The following CTNNA2 variants were observed in gnomAD, a reference collection of about 807,000 sequenced individuals.
CTNNA2 encodes catenin alpha-2.
A neutral mutation model predicts 101.0 loss-of-function variants in CTNNA2; 42 were observed. The ratio of observed to expected loss-of-function variants is 0.42; its 90% CI spans 0.32 to 0.54. The LOEUF (loss-of-function observed/expected upper bound fraction) is 0.54. Ranked by LOEUF, CTNNA2 falls within the 20% of genes least tolerant of loss-of-function variation. CTNNA2 has a pLI of 0.14. For synonymous variants in CTNNA2, 450 were observed against 456.4 expected (o/e 0.99, Z 0.18); for missense variants, 871 against 1,223.1 (o/e 0.71, Z 4.29).
intron 2 of CTNNA2, among the ~76,000 whole-genome samples, chr2:79,686,732 AC>A (rs1300898126): frequency 6.6e-6 from 1 of 152,110 alleles, no homozygotes; most frequent in Non-Finnish European, 1.5e-5. Flanking sequence ...ACAGGAAGAT[AC>A]CCTGTATTAT....
At chr2:79,610,396 G>A (rs1678190015) in intron 1 of CTNNA2, among the ~76,000 whole-genome samples, 1 of 152,090 alleles carries the variant, frequency 6.6e-6, no homozygotes, top group South Asian at 2.1e-4. Context: ...TCTACCATAT[G>A]TCTGTACAAA....
At chr2:79,488,073 T>C (rs751961953) in intron 4 of CTNNA2, among the ~76,000 whole-genome samples, 17 of 151,978 alleles carry the variant, frequency 1.1e-4, no homozygotes, top group Admixed American at 9.2e-4. Flanking sequence ...CCCAGCACTT[T>C]GGGAGGCCCA....
chr2:80,147,886 A>G (rs1020507422), intron 7 of CTNNA2, among the ~76,000 whole-genome samples: 12 of 152,144 alleles, frequency 7.9e-5, no homozygotes, highest in African/African-American at 2.6e-4. Context: ...GAGTGGTTTT[A>G]AAAGCTTTTA....
intron 7 of CTNNA2, among the ~76,000 whole-genome samples, chr2:80,111,877 T>G (rs1174123784): frequency 6.6e-6 from 1 of 152,184 alleles, no homozygotes; most frequent in Non-Finnish European, 1.5e-5. Context: ...TAGTGGCAAA[T>G]GCTTATCACT....
chr2:80,528,700 TAAAAA>T (rs919745465), intron 9 of CTNNA2, among the ~76,000 whole-genome samples: 62 of 152,054 alleles, frequency 4.1e-4, no homozygotes, highest in African/African-American at 1.4e-3. Flanking sequence ...AATAAATAAA[TAAAAA>T]TAAAAATAAA....
intron 4 of CTNNA2, among the ~76,000 whole-genome samples, chr2:79,860,817 T>A (rs2103967874): frequency 6.6e-6 from 1 of 152,206 alleles, no homozygotes; most frequent in African/African-American, 2.4e-5. Context: ...AGACAATACG[T>A]CAATAATTCA....
At chr2:80,569,808 A>G (rs1429943579) in intron 12 of CTNNA2, among the ~76,000 whole-genome samples, 2 of 150,520 alleles carry the variant, frequency 1.3e-5, no homozygotes, top group African/African-American at 2.4e-5. Flanking sequence ...ACACCCAGCT[A>G]ATTTTTTGTA....
chr2:79,349,436 C>T (rs185944580), intron 3 of CTNNA2, among the ~76,000 whole-genome samples: 107 of 152,122 alleles, frequency 7.0e-4, no homozygotes, highest in African/African-American at 2.5e-3. Flanking sequence ...AATAAATTGC[C>T]CCAAGTGATT....
At chr2:79,822,371 A>G (rs1233898277) in intron 3 of CTNNA2, among the ~76,000 whole-genome samples, 1 of 152,164 alleles carries the variant, frequency 6.6e-6, no homozygotes, top group Non-Finnish European at 1.5e-5. Flanking sequence ...ATTTTTATTC[A>G]CTTAAATATG....
At chr2:79,524,254 A>G (rs1357263991) in intron 1 of CTNNA2, among the ~76,000 whole-genome samples, 1 of 152,000 alleles carries the variant, frequency 6.6e-6, no homozygotes, top group Non-Finnish European at 1.5e-5. Flanking sequence ...CTTCAGTAAC[A>G]TAAATAGCCT....
intron 9 of CTNNA2, among the ~76,000 whole-genome samples, chr2:80,517,612 C>G (rs1689203251): frequency 6.6e-6 from 1 of 152,096 alleles, no homozygotes; most frequent in African/African-American, 2.4e-5. Context: ...AAGGAACATT[C>G]CTAGGGGATG....
At chr2:79,308,736 C>T (rs1175695599) in intron 2 of CTNNA2, among the ~76,000 whole-genome samples, 1 of 149,626 alleles carries the variant, frequency 6.7e-6, no homozygotes, top group African/African-American at 2.5e-5. Context: ...AACCAGTTAC[C>T]ACCTAATTTT....
intron 3 of CTNNA2, among the ~76,000 whole-genome samples, chr2:79,764,043 G>C (rs1672975476): frequency 6.6e-6 from 1 of 152,180 alleles, no homozygotes; most frequent in Non-Finnish European, 1.5e-5. Context: ...AGTCCCTCCA[G>C]ACACACAGCT....
chr2:80,413,997 A>G (rs999250852), intron 8 of CTNNA2, among the ~76,000 whole-genome samples: 13 of 152,224 alleles, frequency 8.5e-5, no homozygotes, highest in African/African-American at 2.9e-4. Context: ...ATTAAACATC[A>G]TCTACCCAGC....
At chr2:80,170,848 T>C (rs149768086) in intron 7 of CTNNA2, among the ~76,000 whole-genome samples, 153 of 152,300 alleles carry the variant, frequency 1.0e-3, no homozygotes, top group Non-Finnish European at 2.0e-3. Flanking sequence ...GTTGCTTTTA[T>C]ATTTAACTGC....
intron 7 of CTNNA2, among the ~76,000 whole-genome samples, chr2:80,016,619 T>C (rs1694170794): frequency 6.6e-6 from 1 of 152,240 alleles, no homozygotes; most frequent in East Asian, 1.9e-4. Context: ...TTTCAAGTGG[T>C]TGACTTAGAG....
In CTNNA2 at chr2:79,734,023, T is replaced by C. The variant is rs186423896; in HGVS notation, c.103-10364T>C. Among the ~76,000 whole-genome samples the C allele has an allele frequency of 2.6e-5, 4 of 152,298 alleles. No individual in the cohort carries two copies. The East Asian group carries it at 7.7e-4, about 29-fold the overall frequency. On this transcript the variant is annotated intron_variant, in intron 2 of 18. Coordinates refer to ENST00000402739, the MANE Select transcript of CTNNA2 (RefSeq NM_001282597.3). ...CTTGGAACAGTCTAGCTTTACTTTG[T>C]TTCATTTTGTTTTAACCTTAGTAAA... is the stretch of plus-strand genomic sequence containing the variant.
chr2:80,425,716 T>C (rs914457342), intron 9 of CTNNA2, among the ~76,000 whole-genome samples: 1 of 152,196 alleles, frequency 6.6e-6, no homozygotes, highest in Non-Finnish European at 1.5e-5. Flanking sequence ...GGGTTTTTTT[T>C]CCCTTGTATT....
At chr2:80,411,046 C>A (rs1287746962) in intron 8 of CTNNA2, among the ~76,000 whole-genome samples, 1 of 152,166 alleles carries the variant, frequency 6.6e-6, no homozygotes, top group Middle Eastern at 3.2e-3. Context: ...TCCATATAAA[C>A]CATAATTACC....
Sources: allele counts gnomAD v4.1 joint callset (sites outside exome capture counted in the v4.1 genomes callset), GRCh38; gene constraint gnomAD v4.1.1; transcripts MANE v1.5; gene names NCBI Gene and HGNC (gene_info 2026-07-23, HGNC 2026-07-21).